The following PSMG2 variants were observed in gnomAD, a reference collection of about 807,000 sequenced individuals.
The protein encoded by PSMG2 is CD40 ligand-activated specific transcript 3.
A neutral mutation model predicts 31.5 loss-of-function variants in PSMG2; 21 were observed. That is an observed-to-expected ratio of 0.67 (90% CI 0.47 to 0.96). PSMG2 has a LOEUF of 0.96. Among genes scored for constraint, PSMG2 ranks in the 40% least tolerant of loss-of-function variants. The pLI, the probability that PSMG2 is intolerant of heterozygous loss-of-function variation, is 0.00. For missense variants in PSMG2, 318 were observed against 321.2 expected, an observed-to-expected ratio of 0.99 and a Z score of 0.08; for synonymous variants, 120 against 110.4, an observed-to-expected ratio of 1.09 and a Z score of -0.54.
At chr18:12,725,379 T>C in intron 6 of PSMG2, 60 bp from the exon 7 acceptor site, 1 of 1,355,676 alleles carries the variant, frequency 7.4e-7, no homozygotes, top group Admixed American at 2.0e-5. Context: ...TATAATTCAC[T>C]TTAAAAGGAG....
At chr18:12,666,757 A>AC (rs935430224) in intron 1 of PSMG2, among the ~76,000 whole-genome samples, 1 of 152,098 alleles carries the variant, frequency 6.6e-6, no homozygotes, top group Admixed American at 6.6e-5. Context: ...CCAAAAAAAA[A>AC]AAAACTTTTG....
chr18:12,665,973 T>C (rs950809391), intron 1 of PSMG2, among the ~76,000 whole-genome samples: 4 of 152,034 alleles, frequency 2.6e-5, no homozygotes, highest in Non-Finnish European at 5.9e-5. Context: ...GGGATAACAG[T>C]CGTGAGCCAC....
intron 3 of PSMG2, among the ~76,000 whole-genome samples, chr18:12,715,896 C>T (rs771900345): frequency 5.9e-5 from 9 of 152,168 alleles, no homozygotes; most frequent in Non-Finnish European, 8.8e-5. Flanking sequence ...TGCAGTAAAC[C>T]CTCTGTGAAA....
chr18:12,701,358 G>C (rs927341897), upstream of PSMG2, among the ~76,000 whole-genome samples: 1 of 152,192 alleles, frequency 6.6e-6, no homozygotes, highest in Admixed American at 6.5e-5. Context: ...AATCTTCTGA[G>C]AGGGAGTATA....
At chr18:12,663,784 G>C (rs1239082457) in intron 1 of PSMG2, among the ~76,000 whole-genome samples, 5 of 152,078 alleles carry the variant, frequency 3.3e-5, no homozygotes, top group Non-Finnish European at 7.4e-5. Context: ...TATGTGTAGA[G>C]AGACAGAATC....
At chr18:12,695,379 GAGAT>G (rs756712133) in intron 1 of PSMG2, 6 of 1,155,684 alleles carry the variant, frequency 5.2e-6, no homozygotes, top group Non-Finnish European at 7.5e-6. Flanking sequence ...TTGAACTTCA[GAGAT>G]TTCAATACTA....
chr18:12,699,295 A>C (rs1291633781), upstream of PSMG2: 1 of 880,222 alleles, frequency 1.1e-6, no homozygotes, highest in African/African-American at 1.7e-5. Flanking sequence ...GACAGATAAA[A>C]ACCCAATACC....
intron 1 of PSMG2, among the ~76,000 whole-genome samples, chr18:12,694,195 G>A (rs549079369): frequency 6.6e-6 from 1 of 152,296 alleles, no homozygotes; most frequent in East Asian, 1.9e-4. Flanking sequence ...CTAGAGATTA[G>A]AGGGAGATGA....
intron 1 of PSMG2, chr18:12,691,300 CACACATA>C: frequency 9.5e-7 from 1 of 1,051,518 alleles, no homozygotes; most frequent in Non-Finnish European, 1.4e-6. Context: ...ATGAAATTTA[CACACATA>C]ACAGTAAATC....
At chr18:12,691,061 T>G (rs535387691) in intron 1 of PSMG2, among the ~76,000 whole-genome samples, 22 of 152,266 alleles carry the variant, frequency 1.4e-4, no homozygotes, top group Admixed American at 1.4e-3. Context: ...AAATGGATTT[T>G]CATCTACTTT....
intron 1 of PSMG2, among the ~76,000 whole-genome samples, chr18:12,697,625 C>T (rs1181499530): frequency 1.3e-5 from 2 of 152,196 alleles, no homozygotes; most frequent in African/African-American, 4.8e-5. Flanking sequence ...GATGAGTTAT[C>T]CAGTAACTTA....
chr18:12,689,665 C>G (rs1226493197), intron 1 of PSMG2, among the ~76,000 whole-genome samples: 1 of 152,186 alleles, frequency 6.6e-6, no homozygotes, highest in African/African-American at 2.4e-5. Context: ...TGCCATTTCT[C>G]TGATTCACTG....
chr18:12,702,304 T>C (rs981493724), upstream of PSMG2: 6 of 553,664 alleles, frequency 1.1e-5, no homozygotes, highest in Admixed American at 2.3e-4. Flanking sequence ...CTCGTTTTCT[T>C]TCTCGGAGAC....
At chr18:12,721,306 G>C (rs2040428927) in intron 5 of PSMG2, among the ~76,000 whole-genome samples, 2 of 152,170 alleles carry the variant, frequency 1.3e-5, no homozygotes, top group Admixed American at 1.3e-4. Context: ...CTTTTATTTT[G>C]TGTGACTTTT....
intron 1 of PSMG2, among the ~76,000 whole-genome samples, chr18:12,694,652 C>T (rs900776394): frequency 3.3e-5 from 5 of 152,142 alleles, no homozygotes; most frequent in Non-Finnish European, 5.9e-5. Context: ...GTTAAAATCC[C>T]ATCCCACTGA....
chr18:12,704,505 C>G (rs1239287491), intron 1 of PSMG2, among the ~76,000 whole-genome samples: 2 of 152,102 alleles, frequency 1.3e-5, no homozygotes, highest in Non-Finnish European at 2.9e-5. Flanking sequence ...GGGAGGATCA[C>G]TTGAGCCCAG....
In PSMG2 at chr18:12,697,355, T is replaced by C. The variant is rs35721431; in HGVS notation, c.-36-9195T>C. 3.3e-4 allele frequency: 527 copies of C among 1,613,744 alleles called. 1 individual carries two copies. The African/African-American group carries it at 6.5e-3, about 20-fold the overall frequency. ...TCTGTTTTGATTAGCACCATATGAA[T>C]TGGATCACTTATTGATAACATTGTT... On this transcript the variant is annotated intron_variant, in intron 1 of 6. Coordinates refer to the PSMG2 transcript ENST00000585331.
intron 1 of PSMG2, among the ~76,000 whole-genome samples, chr18:12,675,029 C>T (rs559450514): frequency 8.3e-4 from 127 of 152,218 alleles, no homozygotes; most frequent in African/African-American, 2.9e-3. Flanking sequence ...ATATCTACTA[C>T]AAAATACTAT....
chr18:12,720,647 C>T lies in PSMG2; in HGVS notation c.545C>T (p.Pro182Leu), dbSNP rs745999233. ...GATTCCGAGTTTTGTATCCGCATTC[C>T]GGGAGGAGGTATCACAAAAACACTC... is the stretch of plus-strand genomic sequence containing the variant. Reference protein sequence around the residue: ...IDDSEFCIRIPGGGITKTLYD... With the variant: ...IDDSEFCIRILGGGITKTLYD... Residue 182 changes from proline (P) to leucine (L), a missense_variant, in exon 5 of 7, where the codon CCG (proline) becomes CTG (leucine). By Grantham distance (98) the Pro-to-Leu change is moderately conservative (BLOSUM62 -3). Transcript: ENST00000317615. 11 of 1,612,702 alleles carry T rather than the reference C, an allele frequency of 6.8e-6. No homozygotes were observed. The highest frequency in any genetic ancestry group is 1.7e-5 in the Admixed American group (1 of 59,550).
Sources: gnomAD v4.1 joint callset for allele counts (sites outside exome capture counted in the v4.1 genomes callset) on GRCh38, gnomAD v4.1.1 for gene constraint, MANE v1.5 for transcripts, NCBI Gene and HGNC (gene_info 2026-07-23, HGNC 2026-07-21) for gene names.